NKAIN2: variants seen among roughly 807,000 people sequenced by gnomAD.
NKAIN2 encodes the protein sodium/potassium-transporting ATPase subunit beta-1-interacting protein 2.
A neutral mutation model predicts 32.6 loss-of-function variants in NKAIN2; 14 were observed. That is an observed-to-expected ratio of 0.43 (90% CI 0.28 to 0.67). NKAIN2 has a LOEUF of 0.67. Among genes scored for constraint, NKAIN2 ranks in the 30% least tolerant of loss-of-function variants. The pLI is 0.17. For missense variants in NKAIN2, 198 were observed against 258.3 expected, an observed-to-expected ratio of 0.77 and a Z score of 1.60; for synonymous variants, 80 against 87.2, an observed-to-expected ratio of 0.92 and a Z score of 0.46.
chr6:124,251,328 A>G (rs1043609502), intron 1 of NKAIN2, among the ~76,000 whole-genome samples: 3 of 152,052 alleles, frequency 2.0e-5, no homozygotes, highest in Non-Finnish European at 2.9e-5. Flanking sequence ...ATTTTATCCA[A>G]AAGAAAGGTA....
chr6:124,244,991 A>G (rs1254610776), intron 1 of NKAIN2, among the ~76,000 whole-genome samples: 2 of 152,122 alleles, frequency 1.3e-5, no homozygotes, highest in East Asian at 3.9e-4. Context: ...ATATATTCCT[A>G]GTGCATGTTG....
At chr6:124,749,397 A>T (rs534475144) in intron 4 of NKAIN2, among the ~76,000 whole-genome samples, 7 of 151,924 alleles carry the variant, frequency 4.6e-5, no homozygotes, top group Non-Finnish European at 1.0e-4. Flanking sequence ...TTCGCAGGTT[A>T]TAGGGACTAG....
chr6:124,384,986 A>G (rs1219844660), intron 3 of NKAIN2, among the ~76,000 whole-genome samples: 2 of 152,172 alleles, frequency 1.3e-5, no homozygotes, highest in African/African-American at 4.8e-5. Context: ...ACTATAAGCC[A>G]TTGATGTTAC....
At chr6:124,332,819 A>C (rs1048237242) in intron 2 of NKAIN2, among the ~76,000 whole-genome samples, 1 of 152,220 alleles carries the variant, frequency 6.6e-6, no homozygotes, top group East Asian at 1.9e-4. Context: ...GACTTGTTAT[A>C]TGAGAAAAGT....
chr6:124,335,206 T>C (rs1041482057), intron 2 of NKAIN2, among the ~76,000 whole-genome samples: 2 of 152,194 alleles, frequency 1.3e-5, no homozygotes. Flanking sequence ...ATTGTAGCAA[T>C]TTAAAATGTT....
intron 4 of NKAIN2, among the ~76,000 whole-genome samples, chr6:124,703,378 T>C (rs1177847123): frequency 1.3e-5 from 2 of 152,108 alleles, no homozygotes; most frequent in African/African-American, 4.8e-5. Context: ...CCGCTTAGCA[T>C]TGTTTCCTTA....
intron 3 of NKAIN2, among the ~76,000 whole-genome samples, chr6:124,638,865 T>C (rs1084233): frequency 0.55 from 72,745 of 131,540 alleles, 19,872 homozygotes; most frequent in Middle Eastern, 0.63. Context: ...CACTCCAGCC[T>C]GGGGGCAGAG....
At position 124,534,618 on chromosome 6, in the gene NKAIN2, G is replaced by A. The variant is rs116729029; in HGVS notation, c.274-123568G>A. Among the ~76,000 whole-genome samples, 1,134 of 152,260 alleles carry A rather than the reference G, an allele frequency of 7.4e-3. 17 individuals carry two copies. Among genetic ancestry groups the A allele is most frequent in the African/African-American group, 0.026 (1,076 of 41,540 alleles). ...AGAATACTTTAGTGTTTCATCCAAG[G>A]AAGCAAACTTTGGGATATGTAAGAA... is the stretch of plus-strand genomic sequence containing the variant. On this transcript the variant is annotated intron_variant, in intron 3 of 6. Transcript: ENST00000368417.
chr6:123,997,095 A>G (rs2114702281), intron 1 of NKAIN2, among the ~76,000 whole-genome samples: 1 of 152,336 alleles, frequency 6.6e-6, no homozygotes, highest in East Asian at 1.9e-4. Context: ...CACAACAACT[A>G]TTTTGTCAAC....
rs114554053 is a variant in NKAIN2 at position 123,967,245 on chromosome 6, G to T, written c.54+162991G>T. ...CATTTGTGGGAGTGGGTGTGCACAT[G>T]TGTATGTTTTAAGCCATTGAGACTC... On this transcript the variant is annotated intron_variant, in intron 1 of 6. Transcript: ENST00000368417. 2.2e-3 allele frequency among the ~76,000 whole-genome samples: 330 copies of T among 152,324 alleles called. 2 individuals carry two copies. The highest frequency in any genetic ancestry group is 7.3e-3 in the African/African-American group (302 of 41,588).
chr6:124,781,078 C>T (rs1285450750), intron 4 of NKAIN2, among the ~76,000 whole-genome samples: 2 of 151,880 alleles, frequency 1.3e-5, no homozygotes, highest in East Asian at 3.9e-4. Flanking sequence ...ACTAGGTGAA[C>T]TTAATTTTAA....
intron 3 of NKAIN2, among the ~76,000 whole-genome samples, chr6:124,511,096 T>C (rs1255227116): frequency 6.6e-6 from 1 of 152,126 alleles, no homozygotes; most frequent in Non-Finnish European, 1.5e-5. Context: ...CCAGCAGTAA[T>C]ATGATTGAAA....
At chr6:124,654,579 G>C (rs1229990372) in intron 3 of NKAIN2, among the ~76,000 whole-genome samples, 1 of 152,154 alleles carries the variant, frequency 6.6e-6, no homozygotes, top group African/African-American at 2.4e-5. Flanking sequence ...CTAAACTTAT[G>C]TTTATGGCCT....
chr6:124,189,429 G>A (rs746701438), intron 1 of NKAIN2, among the ~76,000 whole-genome samples: 4 of 152,128 alleles, frequency 2.6e-5, no homozygotes, highest in Non-Finnish European at 4.4e-5. Flanking sequence ...AGCCAGGTGC[G>A]GTGACTCACC....
chr6:124,407,739 C>T (rs78845615), intron 3 of NKAIN2, among the ~76,000 whole-genome samples: 58,574 of 150,198 alleles, frequency 0.39, 13,348 homozygotes, highest in South Asian at 0.59. Context: ...TCAAATGGTA[C>T]TTCTAGTTCT....
At chr6:123,918,499 T>C (rs915666688) in intron 1 of NKAIN2, among the ~76,000 whole-genome samples, 37 of 152,232 alleles carry the variant, frequency 2.4e-4, no homozygotes, top group Admixed American at 2.1e-3. Flanking sequence ...AATGCCCTTT[T>C]CATCAATTGC....
At chr6:124,223,220 A>G (rs1397462408) in intron 1 of NKAIN2, among the ~76,000 whole-genome samples, 9 of 134,906 alleles carry the variant, frequency 6.7e-5, no homozygotes, top group African/African-American at 2.8e-4. Context: ...CTCAAAAAAA[A>G]AAAAAAAAAA....
In NKAIN2 at chr6:123,994,302, T is replaced by A. The variant is rs189443492; in HGVS notation, c.54+190048T>A. 3.3e-5 allele frequency among the ~76,000 whole-genome samples: 5 copies of A among 152,220 alleles called. No individual in the cohort carries two copies. In the East Asian group the frequency reaches 9.7e-4, roughly 29 times the overall value. On this transcript the variant is annotated intron_variant, in intron 1 of 6. Transcript: ENST00000368417. ...ATAGAAAGGCTGTTTTGTTTTTGTT[T>A]GTTTTATAAATCAATTTATTTTTGA...
chr6:124,186,197 GGAAA>G (rs879881766), intron 1 of NKAIN2, among the ~76,000 whole-genome samples: 12,301 of 136,026 alleles, frequency 0.09, 1,266 homozygotes, highest in African/African-American at 0.26. Flanking sequence ...AAGGAAGGAA[GGAAA>G]GAAGGAAAGA....
Sources: gnomAD v4.1 joint callset for allele counts (sites outside exome capture counted in the v4.1 genomes callset) on GRCh38, gnomAD v4.1.1 for gene constraint, MANE v1.5 for transcripts, NCBI Gene and HGNC (gene_info 2026-07-23, HGNC 2026-07-21) for gene names.